Variants in EMSY observed in about 807,000 individuals in gnomAD.
EMSY encodes BRCA2-interacting transcriptional repressor EMSY.
A neutral mutation model predicts 134.6 loss-of-function variants in EMSY; 26 were observed. That is an observed-to-expected ratio of 0.19 (90% CI 0.14 to 0.27). EMSY has a LOEUF of 0.27. Ranked by LOEUF, EMSY falls within the 10% of genes least tolerant of loss-of-function variation. The probability of loss-of-function intolerance (pLI) is 1.00; values close to 1 mark genes in which losing one functional copy is unlikely to be tolerated. For missense variants in EMSY, 1,305 were observed against 1,611.4 expected, an observed-to-expected ratio of 0.81 and a Z score of 3.26; for synonymous variants, 579 against 577.8, an observed-to-expected ratio of 1.00 and a Z score of -0.03.
At chr11:76,509,850 C>CT (rs1950212201) in intron 9 of EMSY, among the ~76,000 whole-genome samples, 1 of 152,198 alleles carries the variant, frequency 6.6e-6, no homozygotes, top group Non-Finnish European at 1.5e-5. Flanking sequence ...GTTATTCACT[C>CT]TAACTTTTTA....
intron 7 of EMSY, among the ~76,000 whole-genome samples, chr11:76,466,553 C>T (rs989379705): frequency 9.2e-5 from 14 of 152,044 alleles, no homozygotes; most frequent in African/African-American, 1.2e-4. Context: ...ATTCTGTGTT[C>T]GGTGTATGGT....
At chr11:76,495,921 G>A (rs1431219657) in intron 8 of EMSY, among the ~76,000 whole-genome samples, 2 of 152,078 alleles carry the variant, frequency 1.3e-5, no homozygotes, top group African/African-American at 4.8e-5. Context: ...TAAGAGACAG[G>A]TCTGGGAACA....
rs1590776018 is a variant in EMSY at position 76,453,451 on chromosome 11, G to A, written c.245+63G>A. On this transcript the variant is annotated intron_variant, in intron 4 of 20. Coordinates refer to ENST00000334736, the Ensembl canonical transcript of EMSY. Reference sequence around the variant, plus strand: ...CATAGTATAACACAGTTTTGAAACAGTCTTCCTATTGTGTAGCAGATTCCT... The same window carrying A: ...CATAGTATAACACAGTTTTGAAACAATCTTCCTATTGTGTAGCAGATTCCT... The A allele has an allele frequency of 3.4e-6, 5 of 1,452,826 alleles. No homozygotes were observed. In the East Asian group the frequency reaches 1.2e-4, roughly 35 times the overall value. 90.0% of individuals were successfully genotyped at this position (1,452,826 alleles called of 1,614,324 possible).
intron 9 of EMSY, among the ~76,000 whole-genome samples, chr11:76,504,885 G>A (rs1269475853): frequency 6.6e-6 from 1 of 152,158 alleles, no homozygotes; most frequent in Admixed American, 6.5e-5. Context: ...ATTACATTAA[G>A]TTCAAGAAGC....
intron 20 of EMSY, among the ~76,000 whole-genome samples, chr11:76,548,485 T>C (rs1040978448): frequency 3.3e-5 from 5 of 152,202 alleles, no homozygotes; most frequent in African/African-American, 1.2e-4. Flanking sequence ...TCTTCTATTA[T>C]AAAAGAGTCT....
chr11:76,461,339 T>C (rs4272809), intron 6 of EMSY, among the ~76,000 whole-genome samples: 82,013 of 152,088 alleles, frequency 0.54, 23,221 homozygotes, highest in South Asian at 0.67. Context: ...TTGTCGGCCC[T>C]GTTTAAATTA....
At chr11:76,446,343 A>G (rs1345971878) in intron 1 of EMSY, among the ~76,000 whole-genome samples, 2 of 21,108 alleles carry the variant, frequency 9.5e-5, no homozygotes, top group Non-Finnish European at 2.0e-4. Context: ...ATGTATATAT[A>G]TATGTGTATA....
chr11:76,452,475 A>G (rs772449374), intron 3 of EMSY, among the ~76,000 whole-genome samples: 38 of 152,326 alleles, frequency 2.5e-4, no homozygotes, highest in Admixed American at 5.9e-4. Flanking sequence ...CAAATTCTCA[A>G]TCTTACTGTC....
chr11:76,545,705 G>C (rs886306876), intron 19 of EMSY, 92 bp from the exon 21 acceptor site: 2 of 1,417,974 alleles, frequency 1.4e-6, no homozygotes, highest in East Asian at 4.6e-5. Context: ...TATAGCGCAC[G>C]AATGTTTCTT....
chr11:76,546,418 T>A (rs1951655882), intron 20 of EMSY, 121 bp downstream of exon 21: 2 of 1,328,016 alleles, frequency 1.5e-6, no homozygotes, highest in Non-Finnish European at 2.0e-6. Context: ...ATAGATATTA[T>A]CTTTGAGATG....
exon 19 of EMSY, chr11:76,544,630 C>T: frequency 6.2e-7 from 1 of 1,614,054 alleles, no homozygotes; most frequent in Non-Finnish European, 8.5e-7. Context: ...CCATGGTGGC[C>T]AAAGACAGGC....
intron 11 of EMSY, among the ~76,000 whole-genome samples, chr11:76,519,211 C>A (rs1226862535): frequency 6.6e-6 from 1 of 151,754 alleles, no homozygotes; most frequent in Non-Finnish European, 1.5e-5. Flanking sequence ...ATTACAGGCG[C>A]CTGCCACCAC....
chr11:76,479,634 A>T (rs536109989), intron 8 of EMSY, among the ~76,000 whole-genome samples: 176 of 152,152 alleles, frequency 1.2e-3, no homozygotes, highest in African/African-American at 3.8e-3. Context: ...ACTTATGTTT[A>T]TCTATAGCAC....
exon 2 of EMSY, chr11:76,446,924 CAA>C: frequency 6.2e-7 from 1 of 1,610,368 alleles, no homozygotes; most frequent in African/African-American, 1.3e-5. Context: ...TTGGGGCTAC[CAA>C]ACAGAAGCAG....
At chr11:76,539,918 G>T (rs914519641) in intron 17 of EMSY, among the ~76,000 whole-genome samples, 1 of 152,076 alleles carries the variant, frequency 6.6e-6, no homozygotes, top group Non-Finnish European at 1.5e-5. Context: ...TTTTCCAAGG[G>T]TTTATTCTGT....
chr11:76,490,378 CCT>C (rs1213449388), intron 8 of EMSY, among the ~76,000 whole-genome samples: 2 of 152,040 alleles, frequency 1.3e-5, no homozygotes, highest in African/African-American at 2.4e-5. Flanking sequence ...CCCCCCGACC[CCT>C]GTTATGAAAA....
chr11:76,544,663 G>A lies in EMSY; in HGVS notation c.3114G>A (p.Gln1038=), dbSNP rs753966638. The stretch of plus-strand genomic sequence containing the variant: ...GGCAGCTTCCTACCTTAATGGCACA[G>A]CCCCCGCAAACTGTAGTACAGGTGC... The change falls in exon 19 of 21, where the codon CAG becomes CAA. Residue 1038 remains glutamine, a synonymous_variant. Coordinates refer to ENST00000334736, the Ensembl canonical transcript of EMSY. 5.6e-6 allele frequency: 9 copies of A among 1,614,118 alleles called. No individual in the cohort carries two copies. In the East Asian group the frequency reaches 2.0e-4, roughly 36 times the overall value.
intron 6 of EMSY, among the ~76,000 whole-genome samples, chr11:76,463,499 T>C (rs1948215289): frequency 6.6e-6 from 1 of 151,994 alleles, no homozygotes; most frequent in Non-Finnish European, 1.5e-5. Flanking sequence ...GGCGGGTGCC[T>C]GTAGTCCCAG....
chr11:76,501,510 A>T (rs1289740097), intron 9 of EMSY, among the ~76,000 whole-genome samples: 3 of 152,218 alleles, frequency 2.0e-5, no homozygotes, highest in Non-Finnish European at 4.4e-5. Flanking sequence ...AAGAGAGCCA[A>T]ACAGAAAATC....
Sources: allele counts gnomAD v4.1 joint callset (sites outside exome capture counted in the v4.1 genomes callset), GRCh38; gene constraint gnomAD v4.1.1; transcripts MANE v1.5; gene names NCBI Gene and HGNC (gene_info 2026-07-23, HGNC 2026-07-21).